Variants in UBP1 observed in about 807,000 individuals in gnomAD.
The protein encoded by UBP1 is upstream binding protein 1, also known as upstream-binding protein 1.
Under a neutral mutation model 76.1 loss-of-function variants are expected in UBP1, and 22 were observed. The ratio of observed to expected loss-of-function variants is 0.29; its 90% CI spans 0.21 to 0.41. UBP1 has a LOEUF of 0.41. UBP1 is among the 10% of genes least tolerant of loss of function. The pLI is 1.00. For missense variants in UBP1, 436 were observed against 668.1 expected, an observed-to-expected ratio of 0.65 and a Z score of 3.83; for synonymous variants, 224 against 237.1, an observed-to-expected ratio of 0.94 and a Z score of 0.51.
chr3:33,432,722 T>C (rs1177795642), intron 1 of UBP1, among the ~76,000 whole-genome samples: 1 of 152,198 alleles, frequency 6.6e-6, no homozygotes, highest in Non-Finnish European at 1.5e-5. Flanking sequence ...TAAAAATTGT[T>C]ACAGGACACA....
chr3:33,390,270 T>C lies in UBP1; in HGVS notation c.*61A>G. 2 of 1,522,150 alleles carry C rather than the reference T, an allele frequency of 1.3e-6. No homozygotes were observed. Among genetic ancestry groups the C allele is most frequent in the Non-Finnish European group, 1.8e-6 (2 of 1,105,340 alleles). The allele number at this position is 1,522,150 out of a possible 1,614,324, so 94.3% of individuals were successfully genotyped here. A position where few individuals can be genotyped will look rare whatever the true frequency, so the allele number is the denominator to read the frequency against. On this transcript the variant is annotated 3_prime_UTR_variant, in exon 16 of 16. Transcript: ENST00000283629. ...CAATCCCAAGACTTCTTGGATTCAG[T>C]CTTCACACACTTTTAAGCGTGACTA...
chr3:33,397,729 C>T (rs902844601), intron 11 of UBP1: 1 of 151,908 alleles, frequency 6.6e-6, no homozygotes, highest in African/African-American at 2.4e-5. Context: ...CACATTATAC[C>T]CTAAGATTTC....
intron 1 of UBP1, among the ~76,000 whole-genome samples, chr3:33,430,400 AG>A (rs1321026389): frequency 1.3e-5 from 2 of 152,172 alleles, no homozygotes; most frequent in Non-Finnish European, 2.9e-5. Context: ...ACTGACAGGT[AG>A]GGCTCCCAGG....
rs375558983 is a variant in UBP1, at chr3:33,397,154, A to G, written c.1181-19T>C. ...TCGGCACCTAGAGAAGAGCAAAAATATTTTTCTCAAATAAATGGAAAAAGA... is the reference window on the plus strand; with the variant it reads ...TCGGCACCTAGAGAAGAGCAAAAATGTTTTTCTCAAATAAATGGAAAAAGA... On this transcript the variant is annotated intron_variant, in intron 11 of 15. Transcript: ENST00000283629. 2.4e-4 allele frequency: 377 copies of G among 1,548,552 alleles called. No individual in the cohort carries two copies. The highest frequency in any genetic ancestry group is 2.6e-4 in the Non-Finnish European group (302 of 1,149,052).
intron 3 of UBP1, among the ~76,000 whole-genome samples, chr3:33,413,858 T>C (rs1400761392): frequency 2.0e-5 from 3 of 152,174 alleles, no homozygotes; most frequent in African/African-American, 2.4e-5. Context: ...AAAGCTCTCA[T>C]AGTGATGGTG....
chr3:33,397,451 G>A (rs541491991), intron 11 of UBP1: 45 of 178,892 alleles, frequency 2.5e-4, no homozygotes, highest in Middle Eastern at 2.2e-3. Context: ...TGACTGGGTT[G>A]TGGCTATGTG....
intron 13 of UBP1, among the ~76,000 whole-genome samples, chr3:33,395,618 G>A (rs957696203): frequency 3.3e-5 from 5 of 151,820 alleles, no homozygotes; most frequent in South Asian, 2.1e-4. Flanking sequence ...CACCAGACGC[G>A]CCACACAAGG....
intron 5 of UBP1, 86 bp downstream of exon 5, chr3:33,411,484 TAGACATTTAAA>T (rs1421327030): frequency 1.9e-6 from 2 of 1,025,842 alleles, no homozygotes; most frequent in East Asian, 5.0e-5. Flanking sequence ...AGTTTATAAA[TAGACATTTAAA>T]GGAAATGATA....
chr3:33,413,128 G>T (rs995428713), intron 3 of UBP1, among the ~76,000 whole-genome samples: 1 of 152,092 alleles, frequency 6.6e-6, no homozygotes, highest in African/African-American at 2.4e-5. Flanking sequence ...AAATTAATGA[G>T]CAAGAATTAC....
intron 1 of UBP1, among the ~76,000 whole-genome samples, chr3:33,438,705 G>C (rs1249599284): frequency 6.6e-6 from 1 of 152,038 alleles, no homozygotes; most frequent in Non-Finnish European, 1.5e-5. Flanking sequence ...GTTCTTTATG[G>C]CTCAGAATTT....
At chr3:33,417,314 T>C (rs1275811239) in intron 2 of UBP1, among the ~76,000 whole-genome samples, 1 of 143,060 alleles carries the variant, frequency 7.0e-6, no homozygotes, top group Non-Finnish European at 1.5e-5. Context: ...GGCCAACTGC[T>C]AGCGATCACC....
chr3:33,404,134 C>T (rs1275502608), intron 8 of UBP1, among the ~76,000 whole-genome samples: 1 of 152,050 alleles, frequency 6.6e-6, no homozygotes, highest in African/African-American at 2.4e-5. Flanking sequence ...ATAATGAGGC[C>T]GGGCGCGGTG....
At chr3:33,393,188 ACT>A (rs2043837592) in intron 14 of UBP1, 122 bp downstream of exon 14, 1 of 1,054,180 alleles carries the variant, frequency 9.5e-7, no homozygotes, top group African/African-American at 1.7e-5. Flanking sequence ...GTGATTCCCA[ACT>A]CTCTGAAAAT....
At chr3:33,402,560 C>T (rs1428600011) in intron 9 of UBP1, among the ~76,000 whole-genome samples, 3 of 152,210 alleles carry the variant, frequency 2.0e-5, no homozygotes, top group Admixed American at 6.5e-5. Context: ...TTGAAAATGG[C>T]GCCTTGTCTA....
At chr3:33,395,782 A>G (rs1024708827) in intron 13 of UBP1, among the ~76,000 whole-genome samples, 1 of 148,226 alleles carries the variant, frequency 6.7e-6, no homozygotes, top group African/African-American at 2.5e-5. Flanking sequence ...AAGAAAAAGG[A>G]AAGAAAAACC....
At chr3:33,392,369 T>C in intron 15 of UBP1, 194 bp downstream of exon 15, 1 of 511,040 alleles carries the variant, frequency 2.0e-6, no homozygotes. Flanking sequence ...TTTCCAGTCA[T>C]CTAGAAAGAC....
intron 3 of UBP1, among the ~76,000 whole-genome samples, chr3:33,414,659 T>G (rs1361677993): frequency 6.6e-6 from 1 of 152,152 alleles, no homozygotes; most frequent in Non-Finnish European, 1.5e-5. Context: ...GGATGTAATT[T>G]CCAAGAAACT....
intron 11 of UBP1, chr3:33,397,713 G>C (rs933721156): frequency 2.0e-5 from 3 of 151,984 alleles, no homozygotes; most frequent in African/African-American, 7.3e-5. Flanking sequence ...GAATGGCAGA[G>C]AATCACACAT....
rs534465829 is a variant in UBP1 at position 33,416,688 on chromosome 3, A to T, written c.342+70T>A. 11 of 1,219,878 alleles carry T rather than the reference A, an allele frequency of 9.0e-6. No individual in the cohort carries two copies. In the East Asian group the frequency reaches 1.5e-4, roughly 17 times the overall value. 75.6% of individuals were successfully genotyped at this position (1,219,878 alleles called of 1,614,324 possible). On this transcript the variant is annotated intron_variant, in intron 3 of 15. Transcript: ENST00000283629. ...TACAACAATTATTGAAGTGAAATTA[A>T]TTTTTTTTTAAACAAAAACTCATTC...
Sources: allele counts gnomAD v4.1 joint callset (sites outside exome capture counted in the v4.1 genomes callset), GRCh38; gene constraint gnomAD v4.1.1; transcripts MANE v1.5; gene names NCBI Gene and HGNC (gene_info 2026-07-23, HGNC 2026-07-21).